EIF3B: variants seen among roughly 807,000 people sequenced by gnomAD.
EIF3B encodes the protein eukaryotic translation initiation factor 3 subunit B.
Under a neutral mutation model 104.6 loss-of-function variants are expected in EIF3B, and 10 were observed. The observed-to-expected ratio is 0.10, with a 90% CI of 0.06 to 0.16. The LOEUF (loss-of-function observed/expected upper bound fraction) is 0.16. EIF3B is among the 10% of genes least tolerant of loss of function. The pLI is 1.00. For synonymous variants in EIF3B, 542 were observed against 417.2 expected (o/e 1.30, Z -3.65); for missense variants, 1,014 against 1,087.9 (o/e 0.93, Z 0.96).
rs753638554 is a variant in EIF3B at position 2,375,546 on chromosome 7, T to C, written c.2028+19T>C. The C allele has an allele frequency of 3.1e-6, 5 of 1,613,930 alleles. No individual in the cohort carries two copies. In the Admixed American group the frequency reaches 6.7e-5, roughly 22 times the overall value. On this transcript the variant is annotated intron_variant, in intron 14 of 18. Coordinates refer to ENST00000360876, the MANE Select transcript of EIF3B (RefSeq NM_001037283.2). ...CCATAAGGTGCAGGCCTGTGGGGCATAGTTTTGACTGTGGATAGAAGCAGG... is the reference window on the plus strand; with the variant it reads ...CCATAAGGTGCAGGCCTGTGGGGCACAGTTTTGACTGTGGATAGAAGCAGG...
chr7:2,367,130 T>G, intron 9 of EIF3B, 85 bp downstream of exon 9: 1 of 1,250,352 alleles, frequency 8.0e-7, no homozygotes, highest in Non-Finnish European at 1.1e-6. Flanking sequence ...CACAATACCA[T>G]AGGCTGGGTG....
At position 2,363,707 on chromosome 7, in the gene EIF3B, A is replaced by G; in HGVS notation, c.946A>G (p.Thr316Ala). ...YSVIFESGDR[T>A]SIFWNDVKDP... ...TGTGATTTTTGAGAGTGGAGACCGC[A>G]CTTCCATATTCTGGAATGACGTAAA... is the stretch of plus-strand genomic sequence containing the variant. The change falls in exon 5 of 19, where the codon ACT becomes GCT. Residue 316 changes from threonine to alanine, a missense_variant. Coordinates refer to ENST00000360876, the MANE Select transcript of EIF3B (RefSeq NM_001037283.2). The G allele has an allele frequency of 6.2e-7, 1 of 1,614,154 alleles. No homozygotes were observed. Among genetic ancestry groups the G allele is most frequent in the Non-Finnish European group, 8.5e-7 (1 of 1,180,014 alleles).
rs1779294708 is a variant in EIF3B at position 2,354,850 on chromosome 7, G to A, written c.-72G>A. 4.7e-6 allele frequency: 5 copies of A among 1,065,406 alleles called. No individual in the cohort carries two copies. The highest frequency in any genetic ancestry group is 1.7e-5 in the African/African-American group (1 of 58,788). The allele number at this position is 1,065,406 out of a possible 1,614,324, so 66.0% of individuals were successfully genotyped here. On this transcript the variant is annotated 5_prime_UTR_variant, in exon 1 of 19. Transcript: ENST00000360876. ...ACATGGCTGGGCTGTAGCCGTCGCG[G>A]CGCGCGGTGCGGCCTGGGAGAGTCG...
chr7:2,367,825 ATTTTTTTTTTTTTT>A (rs71026506), intron 9 of EIF3B, among the ~76,000 whole-genome samples: 36 of 60,298 alleles, frequency 6.0e-4, no homozygotes, highest in African/African-American at 2.7e-3. Flanking sequence ...TTTTTTTAAA[ATTTTTTTTTTTTTT>A]TTTTTTTTTT....
chr7:2,355,224 C>T lies in EIF3B; in HGVS notation c.303C>T (p.Val101=), dbSNP rs752381032. ...ELPGSHAEPP[V]PAQGEAPGEQ... ...CCGGGTCGCATGCTGAGCCCCCTGTCCCGGCACAGGGCGAGGCCCCAGGAG... is the reference window on the plus strand; with the variant it reads ...CCGGGTCGCATGCTGAGCCCCCTGTTCCGGCACAGGGCGAGGCCCCAGGAG... Residue 101 remains valine (V), a synonymous_variant, in exon 1 of 19, where the codon GTC becomes GTT. Transcript: ENST00000360876. 5.5e-5 allele frequency: 82 copies of T among 1,500,810 alleles called. No homozygotes were observed. The highest frequency in any genetic ancestry group is 7.0e-5 in the Non-Finnish European group (79 of 1,133,342). 93.0% of individuals were successfully genotyped at this position (1,500,810 alleles called of 1,614,324 possible).
intron 9 of EIF3B, among the ~76,000 whole-genome samples, chr7:2,369,093 TAATC>T (rs1424321070): frequency 2.0e-5 from 3 of 152,228 alleles, no homozygotes; most frequent in African/African-American, 7.2e-5. Context: ...GCACCTTAAT[TAATC>T]TTTAGATGAC....
chr7:2,378,313 CGTT>C, intron 15 of EIF3B: 2 of 252,256 alleles, frequency 7.9e-6, no homozygotes, highest in African/African-American at 5.0e-5. Context: ...AACAGGCGAG[CGTT>C]CCTGGGATGC....
intron 9 of EIF3B, among the ~76,000 whole-genome samples, chr7:2,368,964 G>A (rs918757840): frequency 9.2e-5 from 14 of 152,212 alleles, no homozygotes; most frequent in African/African-American, 3.4e-4. Context: ...TGTTTTTCAT[G>A]TAGGTGAGCT....
intron 3 of EIF3B, 53 bp downstream of exon 3, chr7:2,362,817 C>T: frequency 6.2e-7 from 1 of 1,610,122 alleles, no homozygotes. Flanking sequence ...AAGTGACTGG[C>T]TGTGTGCGGG....
At chr7:2,359,344 C>G (rs557163790) in intron 1 of EIF3B, among the ~76,000 whole-genome samples, 10 of 152,178 alleles carry the variant, frequency 6.6e-5, no homozygotes, top group African/African-American at 2.4e-4. Flanking sequence ...CCCCTGCCAC[C>G]CAGAAGGAAG....
chr7:2,376,925 C>G (rs761943783), intron 14 of EIF3B, 25 bp from the exon 15 acceptor site: 2 of 1,608,680 alleles, frequency 1.2e-6, no homozygotes, highest in East Asian at 4.5e-5. Context: ...CCTCTGTGTC[C>G]TGGTGTGTCC....
chr7:2,360,970 A>C, intron 2 of EIF3B, 68 bp downstream of exon 2: 2 of 1,339,450 alleles, frequency 1.5e-6, no homozygotes, highest in African/African-American at 2.9e-5. Flanking sequence ...GTGTTGCAGG[A>C]GATCCTTACT....
In EIF3B at chr7:2,374,656, G is replaced by A. The variant is rs181277306; in HGVS notation, c.1889+50G>A. On this transcript the variant is annotated intron_variant, in intron 13 of 18. Coordinates refer to ENST00000360876, the MANE Select transcript of EIF3B (RefSeq NM_001037283.2). The stretch of plus-strand genomic sequence containing the variant: ...TCCGCCCTGTGAGTAGCGCTCTGCT[G>A]TGGCAGAGACCCCTCAGGCGCCTGC... 15 of 1,543,850 alleles carry A rather than the reference G, an allele frequency of 9.7e-6. No individual in the cohort carries two copies. In the East Asian group the frequency reaches 1.1e-4, roughly 12 times the overall value.
chr7:2,364,374 A>G lies in EIF3B; in HGVS notation c.1002A>G (p.Arg334=), dbSNP rs763650060. 1.3e-4 allele frequency: 205 copies of G among 1,592,470 alleles called. No homozygotes were observed. Among genetic ancestry groups the G allele is most frequent in the Non-Finnish European group, 1.6e-4 (189 of 1,173,190 alleles). Reference sequence around the variant, plus strand: ...GTTGGCACTGCCTTTTTCTGCAGAGATGGACAGAGACGTATGTGCGTTGGT... The same window carrying G: ...GTTGGCACTGCCTTTTTCTGCAGAGGTGGACAGAGACGTATGTGCGTTGGT... ...KDPVSIEERA[R]WTETYVRWSP... is the part of the protein sequence containing the mutation. The change falls in exon 6 of 19, where the codon AGA becomes AGG. Residue 334 remains arginine, a splice_region_variant and synonymous_variant. Transcript: ENST00000360876.
At position 2,366,882 on chromosome 7, in the gene EIF3B, C is replaced by T. The variant is rs545338260; in HGVS notation, c.1357-117C>T. The T allele has an allele frequency of 4.7e-5, 52 of 1,102,976 alleles. No homozygotes were observed. In the East Asian group the frequency reaches 1.2e-3, roughly 25 times the overall value. The allele number at this position is 1,102,976 out of a possible 1,614,324, so 68.3% of individuals were successfully genotyped here. On this transcript the variant is annotated intron_variant, in intron 8 of 18. Transcript: ENST00000360876. ...TGGGTTCACTGTCACGCTCTGTGTG[C>T]ACTGCCCCCTAGGCAAACTCACATC... is the stretch of plus-strand genomic sequence containing the variant.
chr7:2,372,038 C>CA (rs1156807195), intron 11 of EIF3B, 189 bp downstream of exon 11: 4 of 567,498 alleles, frequency 7.0e-6, no homozygotes, highest in South Asian at 4.2e-5. Flanking sequence ...CCTCTCTGTA[C>CA]AAAAAACAAA....
chr7:2,354,561 C>T (rs752922323), upstream of EIF3B, among the ~76,000 whole-genome samples: 1 of 152,036 alleles, frequency 6.6e-6, no homozygotes. Flanking sequence ...CAGCGTCCGA[C>T]GGGAAAGGAA....
chr7:2,362,493 TC>T, intron 2 of EIF3B, 151 bp from the exon 3 acceptor site: 1 of 849,818 alleles, frequency 1.2e-6, no homozygotes, highest in Non-Finnish European at 1.8e-6. Flanking sequence ...TGTGGATCTG[TC>T]CCCCGTGTGA....
At chr7:2,360,358 G>T (rs138581681) in intron 1 of EIF3B, among the ~76,000 whole-genome samples, 2 of 152,306 alleles carry the variant, frequency 1.3e-5, no homozygotes, top group East Asian at 3.9e-4. Flanking sequence ...CAAAATCTAG[G>T]CATCTCTGGA....
Sources: allele counts gnomAD v4.1 joint callset (sites outside exome capture counted in the v4.1 genomes callset), GRCh38; gene constraint gnomAD v4.1.1; transcripts MANE v1.5; gene names NCBI Gene and HGNC (gene_info 2026-07-23, HGNC 2026-07-21).